Variants in GINS2 observed in about 807,000 individuals in gnomAD.
GINS2 encodes the protein DNA replication complex GINS protein PSF2.
In GINS2, 23 loss-of-function variants were observed where a neutral mutation model predicts 21.2. The ratio of observed to expected loss-of-function variants is 1.08; its 90% confidence interval spans 0.78 to 1.53. The LOEUF (loss-of-function observed/expected upper bound fraction) is 1.53, where lower values mean the gene tolerates loss of function less well. GINS2 is among the 40% of genes most tolerant of loss of function. The pLI, the probability that GINS2 is intolerant of heterozygous loss-of-function variation, is 0.00. For synonymous variants in GINS2, 118 were observed against 85.6 expected, an observed-to-expected ratio of 1.38 and a Z score of -2.09; for missense variants, 323 against 233.9, an observed-to-expected ratio of 1.38 and a Z score of -2.49.
chr16:85,678,137 C>A lies in GINS2; in HGVS notation c.*75G>T. ...TCATGCATCAGAAGTGTTTCTAGAGCTCCAGAACCACGAGTACCTCATCAC... is the reference window on the plus strand; with the variant it reads ...TCATGCATCAGAAGTGTTTCTAGAGATCCAGAACCACGAGTACCTCATCAC... On this transcript the variant is annotated 3_prime_UTR_variant, in exon 5 of 5. Coordinates refer to ENST00000253462, the MANE Select transcript of GINS2 (RefSeq NM_016095.3). The A allele has an allele frequency of 1.5e-6, 2 of 1,353,124 alleles. No individual in the cohort carries two copies. The highest frequency in any genetic ancestry group is 1.0e-6 in the Non-Finnish European group (1 of 961,426). 83.8% of individuals were successfully genotyped at this position (1,353,124 alleles called of 1,614,324 possible). A position where few individuals can be genotyped will look rare whatever the true frequency, so the allele number is the denominator to read the frequency against.
chr16:85,688,057 G>C, intron 1 of GINS2: 1 of 153,532 alleles, frequency 6.5e-6, no homozygotes, highest in South Asian at 2.0e-4. Flanking sequence ...ACCTGAACCC[G>C]GGAGGCGGAG....
intron 2 of GINS2, among the ~76,000 whole-genome samples, chr16:85,683,110 G>A (rs906455552): frequency 6.6e-6 from 1 of 152,056 alleles, no homozygotes; most frequent in Admixed American, 6.5e-5. Context: ...CAGCTCTCAT[G>A]CTCTTAAATG....
intron 2 of GINS2, 68 bp downstream of exon 2, chr16:85,687,392 C>T (rs2053786362): frequency 4.6e-6 from 4 of 864,288 alleles, no homozygotes; most frequent in Admixed American, 5.5e-5. Context: ...GCCTCCACCC[C>T]GTGGGAGAGG....
intron 2 of GINS2, among the ~76,000 whole-genome samples, chr16:85,685,094 C>G (rs117700780): frequency 0.033 from 4,971 of 152,260 alleles, 119 homozygotes; most frequent in Non-Finnish European, 0.048. Flanking sequence ...TGGCCCAGAA[C>G]AGGCAGAACT....
chr16:85,677,124 G>A lies in GINS2; in HGVS notation c.*1088C>T, dbSNP rs1412867873. 2.6e-5 allele frequency: 4 copies of A among 151,976 alleles called. No homozygotes were observed. The highest frequency in any genetic ancestry group is 7.3e-5 in the African/African-American group (3 of 41,364). 9.4% of individuals were successfully genotyped at this position (151,976 alleles called of 1,614,324 possible). Reference sequence around the variant, plus strand: ...CTGGCCTTGTGATCCACCTGCCTTGGCCTCCCAAAGTGCTGGGATTACATG... The same window carrying A: ...CTGGCCTTGTGATCCACCTGCCTTGACCTCCCAAAGTGCTGGGATTACATG... On this transcript the variant is annotated 3_prime_UTR_variant, in exon 5 of 5. Transcript: ENST00000253462.
intron 3 of GINS2, among the ~76,000 whole-genome samples, chr16:85,680,908 A>T (rs2053726907): frequency 6.6e-6 from 1 of 152,224 alleles, no homozygotes; most frequent in Admixed American, 6.5e-5. Context: ...CTGCTTGAAC[A>T]CCACGCTCAG....
At chr16:85,688,665 G>C (rs1036154886) in intron 1 of GINS2, 144 bp downstream of exon 1, 2 of 433,534 alleles carry the variant, frequency 4.6e-6, no homozygotes, top group South Asian at 5.5e-5. Flanking sequence ...AAGCGGGAAC[G>C]GCGGTGAGCG....
rs1182576691 is a variant in GINS2, at chr16:85,688,902, G to T, written c.-4C>A. ...ATTCGACCTCGGCAGCGTCCATGGC[G>T]GCGCGAGCTGCAGGCCAGAGCCTCA... On this transcript the variant is annotated 5_prime_UTR_variant, in exon 1 of 5. Transcript: ENST00000253462. The T allele has an allele frequency of 1.3e-6, 2 of 1,533,488 alleles. No homozygotes were observed. Among genetic ancestry groups the T allele is most frequent in the Non-Finnish European group, 1.8e-6 (2 of 1,137,558 alleles). The allele number at this position is 1,533,488 out of a possible 1,614,324, so 95.0% of individuals were successfully genotyped here.
chr16:85,679,015 G>A (rs568405809), intron 3 of GINS2, among the ~76,000 whole-genome samples: 2 of 152,144 alleles, frequency 1.3e-5, no homozygotes, highest in Admixed American at 6.5e-5. Flanking sequence ...AATCAGTTTC[G>A]AGGGCTGGCT....
chr16:85,685,687 A>AAAAAAAAAAAAAAC (rs2053770701), intron 2 of GINS2, among the ~76,000 whole-genome samples: 2 of 145,616 alleles, frequency 1.4e-5, no homozygotes, highest in African/African-American at 5.4e-5. Context: ...AAAAAAAAAA[A>AAAAAAAAAAAAAAC]AAAACCGTCT....
intron 2 of GINS2, among the ~76,000 whole-genome samples, chr16:85,685,501 T>TA (rs67378379): frequency 0.065 from 9,104 of 139,102 alleles, 572 homozygotes; most frequent in African/African-American, 0.16. Context: ...CCATCTCCAC[T>TA]AAAAAAAAAA....
Position 85,677,591 on chromosome 16 carries a change from T to G in GINS2, c.*621A>C, listed in dbSNP as rs1048501518. On this transcript the variant is annotated 3_prime_UTR_variant, in exon 5 of 5. Transcript: ENST00000253462. ...TCCACTTAACTGCCGTGTGCCTCAG[T>G]TTCGTTGACTGAGTCATCTCAGCCA... is the stretch of plus-strand genomic sequence containing the variant. 1 of 152,294 alleles carries G rather than the reference T, an allele frequency of 6.6e-6. No individual in the cohort carries two copies. Among genetic ancestry groups the G allele is most frequent in the Non-Finnish European group, 1.5e-5 (1 of 68,094 alleles). The allele number at this position is 152,294 out of a possible 1,614,324, so 9.4% of individuals were successfully genotyped here. A position where few individuals can be genotyped will look rare whatever the true frequency, so the allele number is the denominator to read the frequency against.
chr16:85,679,335 G>A (rs1374673176), intron 3 of GINS2, among the ~76,000 whole-genome samples: 1 of 152,196 alleles, frequency 6.6e-6, no homozygotes, highest in Non-Finnish European at 1.5e-5. Flanking sequence ...GATGAAGGAA[G>A]GCTTTCACAA....
intron 3 of GINS2, among the ~76,000 whole-genome samples, chr16:85,679,376 A>T (rs1338776970): frequency 6.6e-6 from 1 of 152,244 alleles, no homozygotes; most frequent in Non-Finnish European, 1.5e-5. Context: ...AGTATTTTAA[A>T]CTAACCTTTG....
intron 4 of GINS2, 29 bp downstream of exon 4, chr16:85,678,511 C>G (rs2053704841): frequency 6.2e-7 from 1 of 1,608,278 alleles, no homozygotes; most frequent in East Asian, 2.2e-5. Context: ...GCATCAAGGC[C>G]ACCAGCACCC....
At chr16:85,684,483 G>A (rs1022367496) in intron 2 of GINS2, among the ~76,000 whole-genome samples, 1 of 152,092 alleles carries the variant, frequency 6.6e-6, no homozygotes, top group Non-Finnish European at 1.5e-5. Context: ...TTCAGCCTGG[G>A]CAACAGAGAA....
intron 2 of GINS2, among the ~76,000 whole-genome samples, chr16:85,682,452 G>C (rs561990561): frequency 1.3e-5 from 2 of 149,730 alleles, no homozygotes; most frequent in South Asian, 2.1e-4. Flanking sequence ...TCCTAGGGGG[G>C]TTAAGCCACC....
intron 3 of GINS2, among the ~76,000 whole-genome samples, chr16:85,679,590 G>C (rs1405277024): frequency 6.6e-6 from 1 of 152,142 alleles, no homozygotes; most frequent in Non-Finnish European, 1.5e-5. Context: ...AAGGACAAAG[G>C]ACCCCAACTC....
At chr16:85,686,657 T>C (rs896575023) in intron 2 of GINS2, among the ~76,000 whole-genome samples, 6 of 152,212 alleles carry the variant, frequency 3.9e-5, no homozygotes, top group African/African-American at 1.4e-4. Flanking sequence ...AGACAGTTGA[T>C]AGAAATGGAA....
Sources: gnomAD v4.1 joint callset for allele counts (sites outside exome capture counted in the v4.1 genomes callset) on GRCh38, gnomAD v4.1.1 for gene constraint, MANE v1.5 for transcripts, NCBI Gene and HGNC (gene_info 2026-07-23, HGNC 2026-07-21) for gene names.